Variants in ZNF714 observed in about 807,000 individuals in gnomAD.
The protein encoded by ZNF714 is zinc finger protein 714.
ZNF714 carries 32 observed loss-of-function variants against 46.2 expected under a neutral mutation model. That is an observed-to-expected ratio of 0.69 (90% confidence interval 0.52 to 0.93). The LOEUF (loss-of-function observed/expected upper bound fraction) is 0.93, where lower values mean the gene tolerates loss of function less well. Ranked by LOEUF, ZNF714 falls within the 40% of genes least tolerant of loss-of-function variation. The pLI is 0.00. For synonymous variants in ZNF714, 199 were observed against 213.1 expected (o/e 0.93, Z 0.58); for missense variants, 635 against 646.3 (o/e 0.98, Z 0.19).
At position 21,118,023 on chromosome 19, in the gene ZNF714, C is replaced by A; in HGVS notation, c.1359C>A (p.Tyr453Ter). Residue 453 changes from tyrosine (Y) to a stop codon, truncating the protein, a stop_gained, in exon 5 of 5, where the codon TAC (tyrosine) becomes TAA (stop). Transcript: ENST00000456283. LOFTEE classifies it high-confidence loss of function. Reference protein sequence around the residue: ...HKRIHTGEKPYKCEECGKAFN... With the variant: ...HKRIHTGEKP ...GAATTCACACTGGAGAGAAACCCTA[C>A]AAATGTGAAGAATGTGGCAAAGCTT... 2 of 1,613,886 alleles carry A rather than the reference C, an allele frequency of 1.2e-6. No individual in the cohort carries two copies. Among genetic ancestry groups the A allele is most frequent in the Non-Finnish European group, 1.7e-6 (2 of 1,180,010 alleles).
chr19:21,084,968 A>G (rs1369200319), intron 2 of ZNF714, among the ~76,000 whole-genome samples: 1 of 152,212 alleles, frequency 6.6e-6, no homozygotes, highest in East Asian at 1.9e-4. Context: ...TTTTAGAAAA[A>G]GAAATTAATG....
rs934596828 is a variant in ZNF714 at position 21,118,480 on chromosome 19, T to G, written c.*148T>G. 12 of 400,982 alleles carry G rather than the reference T, an allele frequency of 3.0e-5. No homozygotes were observed. Among genetic ancestry groups the G allele is most frequent in the African/African-American group, 6.2e-5 (3 of 48,016 alleles). 24.8% of individuals were successfully genotyped at this position (400,982 alleles called of 1,614,324 possible). ...AAAAAAAAAAAAAAGAAAAGAAAAT[T>G]CATACTGGAACGAAACCCTACAATT... On this transcript the variant is annotated 3_prime_UTR_variant, in exon 5 of 5. Coordinates refer to ENST00000456283, the MANE Select transcript of ZNF714 (RefSeq NM_182515.4).
chr19:21,097,099 A>G (rs1205013617), intron 2 of ZNF714, among the ~76,000 whole-genome samples: 1 of 151,954 alleles, frequency 6.6e-6, no homozygotes, highest in East Asian at 1.9e-4. Flanking sequence ...ATCTCCTGAC[A>G]TCATGATCCG....
intron 4 of ZNF714, among the ~76,000 whole-genome samples, chr19:21,105,319 C>T (rs999256766): frequency 6.6e-6 from 1 of 151,600 alleles, no homozygotes; most frequent in African/African-American, 2.4e-5. Context: ...CCGGGCCTGG[C>T]CTTACTTTTT....
In ZNF714 at chr19:21,098,184, G is replaced by A. The variant is rs768947634; in HGVS notation, c.-84-1G>A. On this transcript the variant is annotated splice_acceptor_variant, in intron 2 of 4. Transcript: ENST00000456283. LOFTEE classifies it low-confidence loss of function (5UTR_SPLICE). The stretch of plus-strand genomic sequence containing the variant: ...TGTGTCTGTGCGTATGTGTTTTTCA[G>A]GAGACGTTGACATTTAGGGATGTGG... 2 of 1,608,072 alleles carry A rather than the reference G, an allele frequency of 1.2e-6. No homozygotes were observed. Among genetic ancestry groups the A allele is most frequent in the Non-Finnish European group, 1.7e-6 (2 of 1,178,638 alleles).
chr19:21,101,482 A>G (rs1473424627), intron 4 of ZNF714, among the ~76,000 whole-genome samples: 2 of 152,190 alleles, frequency 1.3e-5, no homozygotes, highest in African/African-American at 2.4e-5. Context: ...ACACGAGGGC[A>G]GTGTCTGCAG....
chr19:21,116,284 A>G (rs981781112), intron 4 of ZNF714, among the ~76,000 whole-genome samples: 1 of 152,062 alleles, frequency 6.6e-6, no homozygotes, highest in Non-Finnish European at 1.5e-5. Flanking sequence ...GTTGTACTGC[A>G]GTCTCTCTGC....
rs1036676890 is a variant in ZNF714, at chr19:21,113,531, G to T, written c.143-3276G>T. 2.1e-5 allele frequency among the ~76,000 whole-genome samples: 3 copies of T among 144,742 alleles called. No individual in the cohort carries two copies. The South Asian group carries it at 6.5e-4, about 31-fold the overall frequency. 95.0% of individuals were successfully genotyped at this position (144,742 alleles called of 152,430 possible). A position where few individuals can be genotyped will look rare whatever the true frequency, so the allele number is the denominator to read the frequency against. ...TTTCTTCTTTTTTTTTTTTGAGACC[G>T]AGTCTCGCTCTGTCACCCAGGCTGG... On this transcript the variant is annotated intron_variant, in intron 4 of 4. Coordinates refer to ENST00000456283, the MANE Select transcript of ZNF714 (RefSeq NM_182515.4).
rs2095508721 is a variant in ZNF714 at position 21,124,559 on chromosome 19, A to G, written c.*6227A>G. On this transcript the variant is annotated 3_prime_UTR_variant, in exon 5 of 5. Transcript: ENST00000456283. The stretch of plus-strand genomic sequence containing the variant: ...GTAGAACATATTTTGAAGTATATAT[A>G]CATTGTTATTATTTCTAGGTAATTA... Among the ~76,000 whole-genome samples, 1 of 152,242 alleles carries G rather than the reference A, an allele frequency of 6.6e-6. No homozygotes were observed. Among genetic ancestry groups the G allele is most frequent in the Non-Finnish European group, 1.5e-5 (1 of 68,042 alleles).
rs1266955281 is a variant in ZNF714 at position 21,083,758 on chromosome 19, TCTC to T, written c.-176-217_-176-215del. 4.6e-5 allele frequency among the ~76,000 whole-genome samples: 7 copies of T among 152,236 alleles called. No individual in the cohort carries two copies. The South Asian group carries it at 1.2e-3, about 27-fold the overall frequency. On this transcript the variant is annotated intron_variant, in intron 1 of 4. Coordinates refer to ENST00000456283, the MANE Select transcript of ZNF714 (RefSeq NM_182515.4). Reference sequence around the variant, plus strand: ...TATTGTAAAATTTCTCTGTGCCTCTTCTCCTTGTATCTTCTCTAGGTACAAAGA... The same window carrying T: ...TATTGTAAAATTTCTCTGTGCCTCTTCTTGTATCTTCTCTAGGTACAAAGA...
At chr19:21,100,447 G>A (rs143138751) in intron 4 of ZNF714, among the ~76,000 whole-genome samples, 10,895 of 151,868 alleles carry the variant, frequency 0.072, 471 homozygotes, top group Non-Finnish European at 0.086. Context: ...CAGGAGAATC[G>A]CTTCAACCCA....
At chr19:21,116,317 C>T (rs1337507247) in intron 4 of ZNF714, among the ~76,000 whole-genome samples, 1 of 152,134 alleles carries the variant, frequency 6.6e-6, no homozygotes, top group African/African-American at 2.4e-5. Flanking sequence ...TACCTTTGGT[C>T]TCAAGACCCA....
At chr19:21,088,087 A>C (rs932676710) in intron 2 of ZNF714, among the ~76,000 whole-genome samples, 3 of 152,210 alleles carry the variant, frequency 2.0e-5, no homozygotes, top group African/African-American at 7.2e-5. Flanking sequence ...GATGTGTCCC[A>C]GGCCTTACCT....
chr19:21,099,714 A>G (rs2144845169), intron 4 of ZNF714, among the ~76,000 whole-genome samples: 1 of 151,996 alleles, frequency 6.6e-6, no homozygotes, highest in East Asian at 1.9e-4. Context: ...AGTTTATTGT[A>G]GTTTCTTGTA....
intron 1 of ZNF714, 79 bp downstream of exon 1, chr19:21,082,427 T>C (rs917535418): frequency 7.4e-7 from 1 of 1,356,146 alleles, no homozygotes; most frequent in African/African-American, 1.4e-5. Context: ...TGGTGGGACT[T>C]AGGCCTCCCC....
chr19:21,083,222 G>C (rs761789367), intron 1 of ZNF714, among the ~76,000 whole-genome samples: 21 of 152,102 alleles, frequency 1.4e-4, no homozygotes, highest in Non-Finnish European at 2.8e-4. Flanking sequence ...TTTTAGTAGA[G>C]ACGGGTTTCT....
intron 4 of ZNF714, among the ~76,000 whole-genome samples, chr19:21,109,465 A>G (rs1969397007): frequency 6.6e-6 from 1 of 152,174 alleles, no homozygotes; most frequent in African/African-American, 2.4e-5. Context: ...AAGTGATCAG[A>G]TTCCTCAACC....
chr19:21,116,218 A>G lies in ZNF714; in HGVS notation c.143-589A>G, dbSNP rs75633026. Among the ~76,000 whole-genome samples the G allele has an allele frequency of 3.3e-3, 501 of 152,260 alleles. 6 individuals are homozygous for G. The highest frequency in any genetic ancestry group is 0.016 in the South Asian group (78 of 4,824). On this transcript the variant is annotated intron_variant, in intron 4 of 4. Coordinates refer to ENST00000456283, the MANE Select transcript of ZNF714 (RefSeq NM_182515.4). ...AAATTTTGTGTTTACTTTTTAGTTA[A>G]AGGAGTTTATTTCTGCTTCATCTTA...
At position 21,117,707 on chromosome 19, in the gene ZNF714, A is replaced by T. The variant is rs1969631951; in HGVS notation, c.1043A>T (p.Lys348Ile). The T allele has an allele frequency of 1.9e-6, 3 of 1,613,570 alleles. No homozygotes were observed. Among genetic ancestry groups the T allele is most frequent in the Non-Finnish European group, 2.5e-6 (3 of 1,179,778 alleles). Residue 348 changes from lysine (K) to isoleucine (I), a missense_variant, in exon 5 of 5, where the codon AAA becomes ATA. Physicochemically the swap from Lys to Ile is moderately radical, Grantham distance 102. Coordinates refer to ENST00000456283, the MANE Select transcript of ZNF714 (RefSeq NM_182515.4). ...EKPYKCEECG[K>I]AFNVSSHLTT... ...CCCTACAAATGTGAAGAATGTGGCA[A>T]AGCCTTTAATGTGTCTTCACACCTT...
Sources: allele counts gnomAD v4.1 joint callset (sites outside exome capture counted in the v4.1 genomes callset), GRCh38; gene constraint gnomAD v4.1.1; transcripts MANE v1.5; gene names NCBI Gene and HGNC (gene_info 2026-07-23, HGNC 2026-07-21).